RBM4: variants seen among roughly 807,000 people sequenced by gnomAD.
RBM4 encodes RNA binding motif protein 4, also known as RNA-binding protein 4.
Under a neutral mutation model 29.5 loss-of-function variants are expected in RBM4, and 7 were observed. The ratio of observed to expected loss-of-function variants is 0.24; its 90% CI spans 0.14 to 0.45. RBM4 has a LOEUF of 0.45. Ranked by LOEUF, RBM4 falls within the 20% of genes least tolerant of loss-of-function variation. The pLI is 1.00. For missense variants in RBM4, 387 were observed against 502.3 expected, an observed-to-expected ratio of 0.77 and a Z score of 2.19; for synonymous variants, 220 against 205.4, an observed-to-expected ratio of 1.07 and a Z score of -0.61.
chr11:66,641,514 G>C (rs894934721), intron 2 of RBM4, among the ~76,000 whole-genome samples: 1 of 152,170 alleles, frequency 6.6e-6, no homozygotes, highest in African/African-American at 2.4e-5. Flanking sequence ...TGCTCTTGTG[G>C]AGGGTTTATG....
At chr11:66,649,615 A>C, downstream of RBM4, 1 of 607,612 alleles carries the variant, frequency 1.6e-6, no homozygotes, top group Non-Finnish European at 2.9e-6. Flanking sequence ...AGTTGTTTTT[A>C]TGCTTCCAAT....
intron 2 of RBM4, among the ~76,000 whole-genome samples, chr11:66,654,658 C>CGG (rs2135083297): frequency 6.7e-6 from 1 of 150,244 alleles, no homozygotes; most frequent in African/African-American, 2.4e-5. Context: ...CGCACCACCA[C>CGG]GCCCAGCTCA....
chr11:66,639,061 C>T (rs528355265), intron 1 of RBM4: 1 of 152,376 alleles, frequency 6.6e-6, no homozygotes, highest in East Asian at 1.9e-4. Flanking sequence ...GGGAATTTCT[C>T]GGGCCGTGAG....
chr11:66,656,513 T>C (rs1033181246), intron 2 of RBM4, among the ~76,000 whole-genome samples: 2 of 152,050 alleles, frequency 1.3e-5, no homozygotes, highest in African/African-American at 4.8e-5. Flanking sequence ...CCAGCCTCAG[T>C]TGATCTGCTC....
intron 3 of RBM4, chr11:66,644,649 A>T (rs1938614301): frequency 1.0e-6 from 1 of 979,116 alleles, no homozygotes; most frequent in African/African-American, 1.8e-5. Flanking sequence ...AGTTACTAAG[A>T]AGACTACCAA....
At position 66,658,895 on chromosome 11, in the gene RBM4, C is replaced by T. The variant is rs534453933; in HGVS notation, c.413-6961C>T. Reference sequence around the variant, plus strand: ...GAGGTTCTATTGAGCCAAGATTGGGCCACGGCACTCTAGCCTGGGCAACAG... The same window carrying T: ...GAGGTTCTATTGAGCCAAGATTGGGTCACGGCACTCTAGCCTGGGCAACAG... On this transcript the variant is annotated intron_variant, in intron 2 of 2. Coordinates refer to the RBM4 transcript ENST00000396053. Among the ~76,000 whole-genome samples the T allele has an allele frequency of 1.3e-3, 190 of 150,348 alleles. 1 individual carries two copies. Among genetic ancestry groups the T allele is most frequent in the African/African-American group, 4.3e-3 (174 of 40,900 alleles).
chr11:66,650,272 C>A (rs1164242182), downstream of RBM4, among the ~76,000 whole-genome samples: 2 of 152,170 alleles, frequency 1.3e-5, no homozygotes, highest in East Asian at 1.9e-4. Flanking sequence ...GTTAACTTTG[C>A]CTTTAAAGTT....
chr11:66,639,729 C>A lies in RBM4; in HGVS notation c.18C>A (p.Ile6=), dbSNP rs753955211. Residue 6 remains isoleucine, a synonymous_variant, in exon 2 of 4, where the codon ATC becomes ATA. Transcript: ENST00000310092. ...TTGTCAGGATGGTGAAGCTGTTCAT[C>A]GGAAACCTGCCCCGGGAGGCTACAG... MVKLF[I]GNLPREATEQ... 6 of 1,613,854 alleles carry A rather than the reference C, an allele frequency of 3.7e-6. No individual in the cohort carries two copies. The South Asian group carries it at 6.6e-5, about 18-fold the overall frequency.
At position 66,640,061 on chromosome 11, in the gene RBM4, A is replaced by G; in HGVS notation, c.350A>G (p.His117Arg). ...ATCGTGAAAGATTATGCCTTCGTAC[A>G]CATGGAGCGGGCAGAGGATGCAGTG... ...CDIVKDYAFVHMERAEDAVEA... is the reference protein window; with the variant it reads ...CDIVKDYAFVRMERAEDAVEA... Residue 117 changes from histidine (H) to arginine (R), a missense_variant, in exon 2 of 4, where the codon CAC becomes CGC. His to Arg is a conservative substitution (Grantham distance 29). Coordinates refer to ENST00000310092, the MANE Select transcript of RBM4 (RefSeq NM_002896.4). 2 of 1,614,218 alleles carry G rather than the reference A, an allele frequency of 1.2e-6. No homozygotes were observed. The highest frequency in any genetic ancestry group is 1.7e-6 in the Non-Finnish European group (2 of 1,180,034).
exon 3 of RBM4, chr11:66,666,261 A>G (rs1436849321): frequency 1.2e-5 from 14 of 1,124,728 alleles, no homozygotes; most frequent in Non-Finnish European, 1.4e-5. Flanking sequence ...GGAAAAAAAA[A>G]GTTAACTCAC....
chr11:66,661,584 A>G (rs552319138), intron 2 of RBM4, among the ~76,000 whole-genome samples: 1 of 152,352 alleles, frequency 6.6e-6, no homozygotes, highest in African/African-American at 2.4e-5. Flanking sequence ...AGCTCATAGT[A>G]GGAATTCAAA....
chr11:66,662,649 T>C (rs1939104687), intron 2 of RBM4, among the ~76,000 whole-genome samples: 1 of 152,188 alleles, frequency 6.6e-6, no homozygotes, highest in Non-Finnish European at 1.5e-5. Flanking sequence ...GCAATCCACC[T>C]GCCTCAGCCT....
chr11:66,658,548 G>T (rs1939004973), intron 2 of RBM4, among the ~76,000 whole-genome samples: 1 of 151,908 alleles, frequency 6.6e-6, no homozygotes, highest in Admixed American at 6.6e-5. Flanking sequence ...TTCATTCATT[G>T]CTTTGGCTTT....
Position 66,646,039 on chromosome 11 carries a change from T to G in RBM4, c.*21T>G. 3 of 1,536,176 alleles carry G rather than the reference T, an allele frequency of 2.0e-6. No homozygotes were observed. Among genetic ancestry groups the G allele is most frequent in the Non-Finnish European group, 1.7e-6 (2 of 1,146,914 alleles). The stretch of plus-strand genomic sequence containing the variant: ...TGCTCTCTTTCAGGTGGGATGTGTG[T>G]GGGCTGAAATTCCGAGCTGCGGTTG... On this transcript the variant is annotated 3_prime_UTR_variant, in exon 4 of 4. Coordinates refer to ENST00000310092, the MANE Select transcript of RBM4 (RefSeq NM_002896.4).
At chr11:66,654,306 A>G (rs954492789) in intron 2 of RBM4, among the ~76,000 whole-genome samples, 4 of 151,548 alleles carry the variant, frequency 2.6e-5, no homozygotes, top group African/African-American at 9.7e-5. Context: ...CCTGGCTAAC[A>G]TGGTGAAACC....
chr11:66,652,203 C>T (rs2135080599), intron 2 of RBM4: 1 of 152,238 alleles, frequency 6.6e-6, no homozygotes, highest in East Asian at 1.9e-4. Context: ...CACCATTCTC[C>T]TGCCTCAGCC....
At chr11:66,644,592 G>A in intron 3 of RBM4, 1 of 730,996 alleles carries the variant, frequency 1.4e-6, no homozygotes, top group Non-Finnish European at 1.7e-6. Context: ...GACCCCTGAT[G>A]ATAAAGTCCA....
downstream of RBM4, among the ~76,000 whole-genome samples, chr11:66,646,680 C>G (rs752067471): frequency 1.3e-5 from 2 of 152,122 alleles, no homozygotes; most frequent in Non-Finnish European, 2.9e-5. Flanking sequence ...AGACTTTTCC[C>G]ACTGGTCCAC....
chr11:66,665,262 G>A (rs1441269638), intron 2 of RBM4: 2 of 366,352 alleles, frequency 5.5e-6, no homozygotes, highest in East Asian at 1.1e-4. Context: ...AGGTAGGCAG[G>A]GAGAAGGATT....
Sources: gnomAD v4.1 joint callset for allele counts (sites outside exome capture counted in the v4.1 genomes callset) on GRCh38, gnomAD v4.1.1 for gene constraint, MANE v1.5 for transcripts, NCBI Gene and HGNC (gene_info 2026-07-23, HGNC 2026-07-21) for gene names.